The following SMG5 variants were observed in gnomAD, a reference collection of about 807,000 sequenced individuals.
The protein encoded by SMG5 is SMG5 nonsense mediated mRNA decay factor.
A neutral mutation model predicts 122.9 loss-of-function variants in SMG5; 53 were observed. The observed-to-expected ratio is 0.43, with a 90% CI of 0.35 to 0.54. The LOEUF (loss-of-function observed/expected upper bound fraction) is 0.54. Ranked by LOEUF, SMG5 falls within the 20% of genes least tolerant of loss-of-function variation. The probability of loss-of-function intolerance (pLI) is 0.01; values close to 1 mark genes in which losing one functional copy is unlikely to be tolerated. For missense variants in SMG5, 1,153 were observed against 1,285.6 expected, an observed-to-expected ratio of 0.90 and a Z score of 1.58; for synonymous variants, 477 against 490.2, an observed-to-expected ratio of 0.97 and a Z score of 0.35.
chr1:156,290,810 CAGAG>C, the SMG5 span: 4 of 142,364 alleles, frequency 2.8e-5, no homozygotes, highest in Admixed American at 1.6e-4. Flanking sequence ...GCCTGGGTGA[CAGAG>C]AGAGACTCTG....
chr1:156,271,936 G>A (rs912778110), intron 7 of SMG5, among the ~76,000 whole-genome samples: 1 of 151,954 alleles, frequency 6.6e-6, no homozygotes, highest in Admixed American at 6.6e-5. Context: ...TCAGACCCAG[G>A]GAAGCAGTGA....
intron 16 of SMG5, among the ~76,000 whole-genome samples, chr1:156,256,273 G>C (rs952782607): frequency 6.7e-6 from 1 of 148,546 alleles, no homozygotes; most frequent in Non-Finnish European, 1.5e-5. Flanking sequence ...AAGAATGGAA[G>C]CAGAAGGCCA....
In SMG5 at chr1:156,273,399, C is replaced by T. The variant is rs1450031028; in HGVS notation, c.596G>A (p.Arg199Lys). 6.2e-7 allele frequency: 1 copy of T among 1,614,058 alleles called. No homozygotes were observed. The highest frequency in any genetic ancestry group is 8.5e-7 in the Non-Finnish European group (1 of 1,180,006). Reference protein sequence around the residue: ...AGVDTELLAERFYYQALSVAP... With the variant: ...AGVDTELLAEKFYYQALSVAP... ...TACTGACAGGGCTTGGTAGTAAAAT[C>T]TCTCGGCTAGCAGCTCGGTATCTAC... The change falls in exon 6 of 22, where the codon AGA (arginine) becomes AAA (lysine). Residue 199 changes from arginine (R) to lysine (K), a missense_variant. This residue lies in a region of SMG5 where 85 missense variants were observed against 127.3 expected (regional missense o/e 0.67). Coordinates refer to ENST00000361813, the MANE Select transcript of SMG5 (RefSeq NM_015327.3).
rs1360286489 is a variant in SMG5, at chr1:156,272,402, G to A, written c.635-4C>T. On this transcript the variant is annotated splice_region_variant and splice_polypyrimidine_tract_variant and intron_variant, in intron 6 of 21. Transcript: ENST00000361813. ...CCCAGCTGATTGAAGGGCATTCCTA[G>A]GGAGAAAGAGAATTCATGCAGTCTA... 3 of 1,597,558 alleles carry A rather than the reference G, an allele frequency of 1.9e-6. No homozygotes were observed. Among genetic ancestry groups the A allele is most frequent in the East Asian group, 2.2e-5 (1 of 44,600 alleles).
chr1:156,274,556 T>C, intron 5 of SMG5, 41 bp downstream of exon 5: 1 of 1,588,062 alleles, frequency 6.3e-7, no homozygotes, highest in Non-Finnish European at 8.6e-7. Flanking sequence ...GGGCTCGTCC[T>C]GTAACCCAAA....
At chr1:156,279,084 A>G in intron 1 of SMG5, 50 bp from the exon 2 acceptor site, 2 of 1,479,640 alleles carry the variant, frequency 1.4e-6, no homozygotes, top group Non-Finnish European at 1.9e-6. Context: ...CATGGTCCAC[A>G]GAGGATGACG....
At chr1:156,289,330 C>T in the SMG5 span, among the ~76,000 whole-genome samples, 28 of 151,950 alleles carry the variant, frequency 1.8e-4, no homozygotes, top group East Asian at 3.1e-3. Flanking sequence ...AAAAATTAGC[C>T]GGGTGTGGTG....
chr1:156,279,781 G>A (rs1346978923), intron 1 of SMG5, among the ~76,000 whole-genome samples: 1 of 152,120 alleles, frequency 6.6e-6, no homozygotes, highest in East Asian at 1.9e-4. Flanking sequence ...GAGCTCCTGG[G>A]CTGCTTAGCC....
At chr1:156,258,055 T>C (rs971722079) in intron 16 of SMG5, among the ~76,000 whole-genome samples, 1 of 152,240 alleles carries the variant, frequency 6.6e-6, no homozygotes, top group Non-Finnish European at 1.5e-5. Flanking sequence ...CTGTCATGTC[T>C]GGCACAAAAT....
chr1:156,278,056 G>T lies in SMG5; in HGVS notation c.174-8C>A, dbSNP rs1007099147. The T allele has an allele frequency of 6.2e-7, 1 of 1,613,602 alleles. No individual in the cohort carries two copies. On this transcript the variant is annotated splice_region_variant and splice_polypyrimidine_tract_variant and intron_variant, in intron 2 of 21. Coordinates refer to ENST00000361813, the MANE Select transcript of SMG5 (RefSeq NM_015327.3). The stretch of plus-strand genomic sequence containing the variant: ...ACGCAGAGCTCACGCAGCCTGGAGG[G>T]TGTAGAGGAGCATGAGAGAGACAGC...
At chr1:156,252,530 A>G (rs1457511438) in intron 18 of SMG5, 26 bp from the exon 19 acceptor site, 7 of 1,610,604 alleles carry the variant, frequency 4.3e-6, no homozygotes, top group Non-Finnish European at 5.9e-6. Context: ...GGGAAAGACA[A>G]AACAGATAAG....
At chr1:156,287,631 T>G (rs867517809), upstream of SMG5, among the ~76,000 whole-genome samples, 1 of 119,484 alleles carries the variant, frequency 8.4e-6, no homozygotes, top group African/African-American at 2.9e-5. Flanking sequence ...TTTTTTTTTT[T>G]GAGACAGTGT....
intron 4 of SMG5, among the ~76,000 whole-genome samples, chr1:156,275,815 GT>G (rs5777975): frequency 0.17 from 24,406 of 141,396 alleles, 2,030 homozygotes; most frequent in East Asian, 0.24. Context: ...TAATGTGGTG[GT>G]TTTTTTTTTT....
chr1:156,281,868 G>C (rs1365177693), intron 1 of SMG5, among the ~76,000 whole-genome samples: 1 of 152,178 alleles, frequency 6.6e-6, no homozygotes, highest in Non-Finnish European at 1.5e-5. Flanking sequence ...GGCTGAAGAT[G>C]TGACTTGTGG....
chr1:156,251,436 C>T lies in SMG5; in HGVS notation c.2795G>A (p.Arg932Gln), dbSNP rs562847791. 9.3e-6 allele frequency: 15 copies of T among 1,614,034 alleles called. No homozygotes were observed. Among genetic ancestry groups the T allele is most frequent in the South Asian group, 2.2e-5 (2 of 91,076 alleles). Residue 932 changes from arginine to glutamine, a missense_variant, in exon 20 of 22, where the codon CGG becomes CAG. Arg to Gln is a conservative substitution (Grantham distance 43). Transcript: ENST00000361813. ...TGCATCCTGCCTCTTCAGCTTATGC[C>T]GCTCAAAGCTCTTTCCCACCTCTTT... Reference protein sequence around the residue: ...CQKEVGKSFERHKLKRQDADA... With the variant: ...CQKEVGKSFEQHKLKRQDADA...
chr1:156,260,324 C>A (rs905815357), intron 15 of SMG5, 127 bp downstream of exon 15: 68 of 1,144,142 alleles, frequency 5.9e-5, no homozygotes, highest in Non-Finnish European at 8.2e-5. Context: ...CAGCCTGTAG[C>A]CCCAAGGACA....
chr1:156,265,963 G>C lies in SMG5; in HGVS notation c.1673C>G (p.Pro558Arg). ...APDSLNGPLG[P>R]SEASIASNLQ... ...ATTGCTGGCAATGCTAGCCTCACTG[G>C]GGCCCAGTGGGCCATTGAGGGAATC... is the stretch of plus-strand genomic sequence containing the variant. The change falls in exon 12 of 22, where the codon CCC becomes CGC. Residue 558 changes from proline to arginine, a missense_variant. Pro to Arg is a moderately radical substitution (Grantham distance 103, BLOSUM62 -2). Coordinates refer to ENST00000361813, the MANE Select transcript of SMG5 (RefSeq NM_015327.3). The C allele has an allele frequency of 2.5e-6, 4 of 1,614,194 alleles. No individual in the cohort carries two copies. Among genetic ancestry groups the C allele is most frequent in the Non-Finnish European group, 3.4e-6 (4 of 1,180,040 alleles).
intron 4 of SMG5, 70 bp downstream of exon 4, chr1:156,277,015 A>G: frequency 6.5e-7 from 1 of 1,527,498 alleles, no homozygotes; most frequent in South Asian, 1.2e-5. Context: ...AGCTACATGA[A>G]CCCTGAGGGA....
At position 156,261,320 on chromosome 1, in the gene SMG5, G is replaced by C; in HGVS notation, c.2107+13C>G. On this transcript the variant is annotated intron_variant, in intron 14 of 21. Coordinates refer to ENST00000361813, the MANE Select transcript of SMG5 (RefSeq NM_015327.3). The stretch of plus-strand genomic sequence containing the variant: ...GAGCAAAGAAAGGAGGGTAGTGCCA[G>C]GGACCCACTCACCAGACTCCTGGAG... 1 of 1,613,502 alleles carries C rather than the reference G, an allele frequency of 6.2e-7. No homozygotes were observed. Among genetic ancestry groups the C allele is most frequent in the Non-Finnish European group, 8.5e-7 (1 of 1,179,412 alleles).
Sources: gnomAD v4.1 joint callset for allele counts (sites outside exome capture counted in the v4.1 genomes callset) on GRCh38, gnomAD v4.1.1 for gene constraint, gnomAD v4.1.1 regional missense constraint, MANE v1.5 for transcripts, NCBI Gene and HGNC (gene_info 2026-07-23, HGNC 2026-07-21) for gene names.